HOMER2: variants seen among roughly 807,000 people sequenced by gnomAD.
HOMER2 encodes homer protein homolog 2.
Under a neutral mutation model 47.0 loss-of-function variants are expected in HOMER2, and 27 were observed. That is an observed-to-expected ratio of 0.57 (90% CI 0.42 to 0.79). The LOEUF (loss-of-function observed/expected upper bound fraction) is 0.79, where lower values mean the gene tolerates loss of function less well. Among genes scored for constraint, HOMER2 ranks in the 30% least tolerant of loss-of-function variants. HOMER2 has a pLI of 0.00. For missense variants in HOMER2, 443 were observed against 435.0 expected (o/e 1.02, Z -0.16); for synonymous variants, 161 against 163.8 (o/e 0.98, Z 0.13).
intron 1 of HOMER2, among the ~76,000 whole-genome samples, chr15:82,908,169 A>G (rs2053344081): frequency 6.6e-6 from 1 of 152,180 alleles, no homozygotes; most frequent in African/African-American, 2.4e-5. Context: ...AATGTTCTAT[A>G]AAATTAGATT....
chr15:82,860,302 C>T (rs1260876383), intron 4 of HOMER2, among the ~76,000 whole-genome samples: 3 of 152,070 alleles, frequency 2.0e-5, no homozygotes, highest in African/African-American at 7.2e-5. Context: ...GAGTCCTCAT[C>T]TTTTAGAGCT....
chr15:82,871,153 A>G (rs1220868148), intron 3 of HOMER2, among the ~76,000 whole-genome samples: 1 of 152,196 alleles, frequency 6.6e-6, no homozygotes, highest in Non-Finnish European at 1.5e-5. Context: ...CACAGCTTCT[A>G]CTATTTTTGG....
chr15:82,854,067 A>G (rs962160535), intron 6 of HOMER2, among the ~76,000 whole-genome samples: 9 of 152,174 alleles, frequency 5.9e-5, no homozygotes, highest in Non-Finnish European at 1.0e-4. Flanking sequence ...CCTCCAGTTT[A>G]TCTTCTCCTC....
Position 82,892,688 on chromosome 15 carries a change from G to A in HOMER2, c.159C>T (p.Ala53=), listed in dbSNP as rs1188927415. 1 of 1,539,994 alleles carries A rather than the reference G, an allele frequency of 6.5e-7. No individual in the cohort carries two copies. Among genetic ancestry groups the A allele is most frequent in the South Asian group, 1.2e-5 (1 of 81,060 alleles). Residue 53 remains alanine (A), a synonymous_variant, in exon 2 of 9, where the codon GCC becomes GCT. Transcript: ENST00000450735. ...NSYRIISVDG[A]KVIINSTITP... ...AAATCAGCTGAGGGGGTGGTACCTT[G>A]GCTCCGTCCACACTGATGATCCGAT...
At chr15:82,902,779 T>G (rs1249463233) in intron 1 of HOMER2, among the ~76,000 whole-genome samples, 1 of 152,206 alleles carries the variant, frequency 6.6e-6, no homozygotes, top group African/African-American at 2.4e-5. Context: ...AAAAATAATG[T>G]TCTCAATTTT....
At chr15:82,850,376 G>A (rs905632772) in intron 8 of HOMER2, among the ~76,000 whole-genome samples, 9 of 152,242 alleles carry the variant, frequency 5.9e-5, no homozygotes, top group Non-Finnish European at 1.0e-4. Context: ...CCCTCAGAGA[G>A]GAAGGACTGG....
At chr15:82,872,339 C>T (rs552594207) in intron 3 of HOMER2, among the ~76,000 whole-genome samples, 99 of 152,314 alleles carry the variant, frequency 6.5e-4, no homozygotes, top group African/African-American at 2.3e-3. Flanking sequence ...CCCTCCATCC[C>T]TCATCACCCC....
chr15:82,969,458 C>T (rs1236409171), intron 1 of HOMER2, among the ~76,000 whole-genome samples: 1 of 152,178 alleles, frequency 6.6e-6, no homozygotes, highest in Non-Finnish European at 1.5e-5. Flanking sequence ...CTAGACATCA[C>T]TTCTGTTCAT....
intron 1 of HOMER2, among the ~76,000 whole-genome samples, chr15:82,930,087 T>C (rs764386152): frequency 2.0e-5 from 3 of 152,210 alleles, no homozygotes; most frequent in Non-Finnish European, 4.4e-5. Flanking sequence ...AGTTGTACTC[T>C]TGAAATAAAG....
At position 82,914,785 on chromosome 15, in the gene HOMER2, G is replaced by C. The variant is rs192090168; in HGVS notation, c.6-21944C>G. Among the ~76,000 whole-genome samples the C allele has an allele frequency of 2.0e-5, 3 of 152,302 alleles. No individual in the cohort carries two copies. The East Asian group carries it at 5.8e-4, about 29-fold the overall frequency. Reference sequence around the variant, plus strand: ...TGGTGAGGTCGGGGATGGCTTCACAGAGATAATGACAGGACTGAGTCCTTA... The same window carrying C: ...TGGTGAGGTCGGGGATGGCTTCACACAGATAATGACAGGACTGAGTCCTTA... On this transcript the variant is annotated intron_variant, in intron 1 of 8. Transcript: ENST00000450735.
intron 1 of HOMER2, among the ~76,000 whole-genome samples, chr15:82,903,532 G>C (rs748803083): frequency 6.6e-6 from 1 of 152,040 alleles, no homozygotes; most frequent in Non-Finnish European, 1.5e-5. Flanking sequence ...CAGGAGAATC[G>C]CTTGAACTCG....
downstream of HOMER2, chr15:82,834,703 A>G (rs1230973495): frequency 6.6e-6 from 1 of 152,642 alleles, no homozygotes; most frequent in African/African-American, 2.4e-5. Flanking sequence ...GGCACCAAGC[A>G]CTACATAAAC....
At chr15:82,877,731 T>C (rs2151075083) in intron 2 of HOMER2, among the ~76,000 whole-genome samples, 1 of 152,302 alleles carries the variant, frequency 6.6e-6, no homozygotes, top group Admixed American at 6.5e-5. Flanking sequence ...AATGCCAATG[T>C]CCATCTGAGT....
At chr15:82,856,356 T>C (rs1198638767) in intron 5 of HOMER2, among the ~76,000 whole-genome samples, 1 of 152,254 alleles carries the variant, frequency 6.6e-6, no homozygotes, top group East Asian at 1.9e-4. Flanking sequence ...CTCACACCTA[T>C]AATCCCAGCA....
rs1378845245 is a variant in HOMER2, at chr15:82,863,892, T to TGGCATTCGA, written c.387+274_387+275insTCGAATGCC. ...GCCAGGAGACATGCTGCCTCGCCTC[T>TGGCATTCGA]GGCATTTAAACACAGTGACCACAGA... is the stretch of plus-strand genomic sequence containing the variant. On this transcript the variant is annotated intron_variant, in intron 4 of 8. Coordinates refer to ENST00000450735, the MANE Select transcript of HOMER2 (RefSeq NM_004839.4). Among the ~76,000 whole-genome samples the TGGCATTCGA allele has an allele frequency of 4.6e-5, 7 of 152,350 alleles. No individual in the cohort carries two copies. In the East Asian group the frequency reaches 1.4e-3, roughly 29 times the overall value.
exon 2 of HOMER2, chr15:82,842,088 A>G (rs1567004978): frequency 6.6e-6 from 1 of 152,178 alleles, no homozygotes; most frequent in African/African-American, 2.4e-5. Context: ...TTTAATTTTC[A>G]TTTTTTAAAG....
chr15:82,922,891 C>T (rs926430825), intron 1 of HOMER2, among the ~76,000 whole-genome samples: 1 of 152,166 alleles, frequency 6.6e-6, no homozygotes, highest in African/African-American at 2.4e-5. Flanking sequence ...GTGCCTTCCT[C>T]CAGAATGCCC....
At chr15:82,851,781 TAAA>T (rs1403348407) in intron 7 of HOMER2, among the ~76,000 whole-genome samples, 1 of 152,236 alleles carries the variant, frequency 6.6e-6, no homozygotes, top group East Asian at 1.9e-4. Context: ...AAATACATTT[TAAA>T]TTTTTTTAAA....
At chr15:82,936,206 G>T (rs554169157) in intron 1 of HOMER2, among the ~76,000 whole-genome samples, 1 of 152,236 alleles carries the variant, frequency 6.6e-6, no homozygotes, top group South Asian at 2.1e-4. Flanking sequence ...TTCTGCACAT[G>T]CGGTAGCAGC....
Sources: allele counts gnomAD v4.1 joint callset (sites outside exome capture counted in the v4.1 genomes callset), GRCh38; gene constraint gnomAD v4.1.1; transcripts MANE v1.5; gene names NCBI Gene and HGNC (gene_info 2026-07-23, HGNC 2026-07-21).